Variants in ADGRE1 observed in about 807,000 individuals in gnomAD.
ADGRE1 encodes adhesion G protein-coupled receptor E1, also known as EGF-like module receptor 1.
ADGRE1 carries 82 observed loss-of-function variants against 102.7 expected under a neutral mutation model. The observed-to-expected ratio is 0.80, with a 90% CI of 0.67 to 0.96. The LOEUF (loss-of-function observed/expected upper bound fraction) is 0.96. Among genes scored for constraint, ADGRE1 ranks in the 40% least tolerant of loss-of-function variants. The pLI, the probability that ADGRE1 is intolerant of heterozygous loss-of-function variation, is 0.00. For missense variants in ADGRE1, 1,032 were observed against 1,085.3 expected (o/e 0.95, Z 0.69); for synonymous variants, 398 against 399.6 (o/e 1.00, Z 0.05).
rs566135953 is a variant in ADGRE1, at chr19:6,926,452, C to G, written c.2073C>G (p.Phe691Leu). Reference protein sequence around the residue: ...FWMLVEAVILFLMVRNLKVVN... With the variant: ...FWMLVEAVILLLMVRNLKVVN... Reference sequence around the variant, plus strand: ...TGCTGGTGGAGGCTGTGATACTGTTCTTGATGGTCAGAAACCTGAAGGTGG... The same window carrying G: ...TGCTGGTGGAGGCTGTGATACTGTTGTTGATGGTCAGAAACCTGAAGGTGG... The change falls in exon 16 of 21, where the codon TTC becomes TTG. Residue 691 changes from phenylalanine to leucine, a missense_variant. Physicochemically the swap from Phe to Leu is conservative, Grantham distance 22. Coordinates refer to ENST00000312053, the MANE Select transcript of ADGRE1 (RefSeq NM_001974.5). The G allele has an allele frequency of 2.5e-6, 4 of 1,614,228 alleles. No homozygotes were observed. The highest frequency in any genetic ancestry group is 3.4e-6 in the Non-Finnish European group (4 of 1,180,050).
chr19:6,928,421 T>C (rs1431975153), intron 17 of ADGRE1: 4 of 1,255,594 alleles, frequency 3.2e-6, no homozygotes, highest in Non-Finnish European at 4.2e-6. Context: ...AGGTCAGGAG[T>C]TCGAGAACAG....
chr19:6,890,390 C>A, intron 1 of ADGRE1, 91 bp from the exon 2 acceptor site: 1 of 1,275,008 alleles, frequency 7.8e-7, no homozygotes, highest in Non-Finnish European at 1.1e-6. Context: ...GGGGCCAAGC[C>A]AGGAGTAATT....
chr19:6,928,501 C>T (rs577178968), intron 17 of ADGRE1: 5 of 510,318 alleles, frequency 9.8e-6, no homozygotes, highest in African/African-American at 9.7e-5. Context: ...GTGGCGAGCA[C>T]TTGTAATCCC....
Position 6,904,094 on chromosome 19 carries a change from T to C in ADGRE1, c.861T>C (p.Asn287=), listed in dbSNP as rs767305442. Residue 287 remains asparagine, a synonymous_variant, in exon 8 of 21, where the codon AAT becomes AAC. Coordinates refer to ENST00000312053, the MANE Select transcript of ADGRE1 (RefSeq NM_001974.5). ...STCGPNSICT[N]ALGSYSCGCI... ...GTGGTCCTAATTCTATCTGCACCAA[T>C]GCCCTGGGCTCCTACAGCTGTGGCT... The C allele has an allele frequency of 1.6e-5, 26 of 1,614,140 alleles. No homozygotes were observed. In the African/African-American group the frequency reaches 3.1e-4, roughly 19 times the overall value.
At chr19:6,928,855 C>T (rs1195940853) in intron 17 of ADGRE1, among the ~76,000 whole-genome samples, 1 of 151,554 alleles carries the variant, frequency 6.6e-6, no homozygotes, top group African/African-American at 2.4e-5. Context: ...AGGAGAATTG[C>T]TTGAACCAGG....
intron 2 of ADGRE1, among the ~76,000 whole-genome samples, chr19:6,894,682 C>T (rs753172350): frequency 2.0e-5 from 3 of 152,046 alleles, no homozygotes; most frequent in Non-Finnish European, 4.4e-5. Context: ...GCATTATAGG[C>T]AAGGGGTGGA....
chr19:6,900,540 G>A (rs988090936), intron 5 of ADGRE1, among the ~76,000 whole-genome samples: 3 of 152,072 alleles, frequency 2.0e-5, no homozygotes, highest in Admixed American at 6.6e-5. Context: ...TTCCATCCTT[G>A]GTTCAGGCTT....
At chr19:6,903,120 T>C (rs1419247373) in intron 6 of ADGRE1, among the ~76,000 whole-genome samples, 1 of 152,240 alleles carries the variant, frequency 6.6e-6, no homozygotes, top group Non-Finnish European at 1.5e-5. Context: ...GTCATACTTA[T>C]ACCTACTTTT....
rs1165500635 is a variant in ADGRE1, at chr19:6,921,834, G to A, written c.1742G>A (p.Cys581Tyr). The part of the protein sequence containing the change: ...EASETYTICS[C>Y]NQMANLAVIM... The stretch of plus-strand genomic sequence containing the variant: ...TCTGAGACATATACCATCTGCAGCT[G>A]TAATCAGATGGCAAATCTTGCCGTT... The change falls in exon 14 of 21, where the codon TGT becomes TAT. Residue 581 changes from cysteine (C) to tyrosine (Y), a missense_variant. Transcript: ENST00000312053. The A allele has an allele frequency of 8.1e-6, 13 of 1,614,030 alleles. No homozygotes were observed. Among genetic ancestry groups the A allele is most frequent in the Non-Finnish European group, 1.1e-5 (13 of 1,180,018 alleles).
At chr19:6,919,446 GT>G in intron 12 of ADGRE1, 101 bp from the exon 13 acceptor site, 1 of 219,914 alleles carries the variant, frequency 4.5e-6, no homozygotes, top group Admixed American at 4.7e-5. Context: ...CTCCCTCTGT[GT>G]GTGTGTGTGT....
At chr19:6,901,759 G>A (rs1973771611) in intron 5 of ADGRE1, 116 bp from the exon 6 acceptor site, 2 of 1,037,332 alleles carry the variant, frequency 1.9e-6, no homozygotes, top group Non-Finnish European at 2.9e-6. Flanking sequence ...CATGGATATT[G>A]GGGAGCATCA....
At chr19:6,916,197 C>T (rs1974372918) in intron 11 of ADGRE1, 52 bp from the exon 12 acceptor site, 2 of 1,578,312 alleles carry the variant, frequency 1.3e-6, no homozygotes, top group Non-Finnish European at 1.7e-6. Flanking sequence ...AAACCAAATT[C>T]AGGACTGACT....
At chr19:6,922,365 G>A (rs1009186826) in intron 14 of ADGRE1, among the ~76,000 whole-genome samples, 1 of 151,836 alleles carries the variant, frequency 6.6e-6, no homozygotes, top group African/African-American at 2.4e-5. Flanking sequence ...CCTGTCATCC[G>A]AGCACTTTGG....
Position 6,908,737 on chromosome 19 carries a change from G to A in ADGRE1, c.1087G>A (p.Val363Met), listed in dbSNP as rs765926474. 3 of 1,604,014 alleles carry A rather than the reference G, an allele frequency of 1.9e-6. No individual in the cohort carries two copies. The highest frequency in any genetic ancestry group is 1.7e-5 in the Admixed American group (1 of 58,732). The change falls in exon 10 of 21, where the codon GTG becomes ATG. Residue 363 changes from valine (V) to methionine (M), a missense_variant. Val to Met is a conservative substitution (Grantham distance 21, BLOSUM62 1). Transcript: ENST00000312053. ...INNIFSVLDK[V>M]CENKTTVVSL... Reference sequence around the variant, plus strand: ...TAACATCTTCAGCGTTCTGGACAAAGTGTGTGAAAATAAAACGACCGTAGT... The same window carrying A: ...TAACATCTTCAGCGTTCTGGACAAAATGTGTGAAAATAAAACGACCGTAGT...
At position 6,924,859 on chromosome 19, in the gene ADGRE1, A is replaced by AGACT; in HGVS notation, c.1977_1980dup (p.Asn661Ter). 1 of 1,614,092 alleles carries AGACT rather than the reference A, an allele frequency of 6.2e-7. No individual in the cohort carries two copies. Among genetic ancestry groups the AGACT allele is most frequent in the Non-Finnish European group, 8.5e-7 (1 of 1,180,018 alleles). ...ACTCTCTTCCTCGCCGGTATACACA[A>AGACT]GACTGACAACAAGGTCTACATCGCT... On this transcript the variant is annotated frameshift_variant, in exon 15 of 21. Coordinates refer to ENST00000312053, the MANE Select transcript of ADGRE1 (RefSeq NM_001974.5). LOFTEE classifies it high-confidence loss of function.
chr19:6,937,507 A>G (rs1975470437), intron 19 of ADGRE1, 37 bp from the exon 20 acceptor site: 1 of 1,516,466 alleles, frequency 6.6e-7, no homozygotes, highest in Non-Finnish European at 8.9e-7. Flanking sequence ...TCACTGGACC[A>G]TTTCCCTGCA....
At chr19:6,902,234 C>A (rs1973790093) in intron 6 of ADGRE1, among the ~76,000 whole-genome samples, 1 of 152,254 alleles carries the variant, frequency 6.6e-6, no homozygotes, top group Non-Finnish European at 1.5e-5. Context: ...TAAATAACAT[C>A]TCCAAATAAC....
chr19:6,916,674 C>T (rs1020318518), intron 12 of ADGRE1, among the ~76,000 whole-genome samples: 19 of 151,888 alleles, frequency 1.3e-4, no homozygotes, highest in Non-Finnish European at 1.6e-4. Flanking sequence ...CACTGTATTT[C>T]GAAGCTTTGT....
intron 5 of ADGRE1, chr19:6,898,150 C>A (rs1240822970): frequency 3.2e-6 from 2 of 615,468 alleles, no homozygotes; most frequent in East Asian, 5.8e-5. Flanking sequence ...CAAGTATGCT[C>A]AGATTCAAGA....
Sources: allele counts gnomAD v4.1 joint callset (sites outside exome capture counted in the v4.1 genomes callset), GRCh38; gene constraint gnomAD v4.1.1; transcripts MANE v1.5; gene names NCBI Gene and HGNC (gene_info 2026-07-23, HGNC 2026-07-21).